The following ERC2 variants were observed in gnomAD, a reference collection of about 807,000 sequenced individuals.
ERC2 encodes the protein ERC protein 2.
A neutral mutation model predicts 114.8 loss-of-function variants in ERC2; 42 were observed. The ratio of observed to expected loss-of-function variants is 0.37; its 90% CI spans 0.29 to 0.47. The LOEUF is 0.47. ERC2 is among the 20% of genes least tolerant of loss of function. The pLI is 0.99. For missense variants in ERC2, 939 were observed against 1,150.7 expected, an observed-to-expected ratio of 0.82 and a Z score of 2.66; for synonymous variants, 454 against 425.5, an observed-to-expected ratio of 1.07 and a Z score of -0.82.
intron 14 of ERC2, among the ~76,000 whole-genome samples, chr3:55,759,049 A>G (rs11709551): frequency 0.57 from 86,140 of 151,884 alleles, 24,781 homozygotes; most frequent in South Asian, 0.67. Flanking sequence ...TTTAATTTGG[A>G]ATAAATTTTT....
At chr3:56,465,470 A>G (rs1330101638) in intron 1 of ERC2, among the ~76,000 whole-genome samples, 2 of 152,218 alleles carry the variant, frequency 1.3e-5, no homozygotes, top group African/African-American at 4.8e-5. Flanking sequence ...ATATCATTAT[A>G]CCTAATCACT....
intron 17 of ERC2, among the ~76,000 whole-genome samples, chr3:55,574,534 G>T (rs2056879185): frequency 6.6e-6 from 1 of 152,072 alleles, no homozygotes; most frequent in Non-Finnish European, 1.5e-5. Context: ...TGGGATGGGG[G>T]GAGATAAAAT....
At chr3:55,986,682 G>A (rs917813998) in intron 11 of ERC2, among the ~76,000 whole-genome samples, 6 of 151,898 alleles carry the variant, frequency 4.0e-5, no homozygotes, top group East Asian at 1.9e-4. Flanking sequence ...TCAGAAATAC[G>A]AAGTTCCGAC....
intron 7 of ERC2, among the ~76,000 whole-genome samples, chr3:56,035,531 T>C (rs970075746): frequency 6.6e-6 from 1 of 152,204 alleles, no homozygotes; most frequent in Non-Finnish European, 1.5e-5. Flanking sequence ...AGGTGGGACA[T>C]TTTGAGAGAT....
chr3:55,852,485 T>C (rs923176559), intron 14 of ERC2: 4 of 154,754 alleles, frequency 2.6e-5, no homozygotes, highest in African/African-American at 9.6e-5. Context: ...CTACACCTCA[T>C]GACCTCCATG....
intron 4 of ERC2, among the ~76,000 whole-genome samples, chr3:56,152,417 AG>A (rs34369328): frequency 0.76 from 112,812 of 149,346 alleles, 43,884 homozygotes; most frequent in Non-Finnish European, 0.85. Flanking sequence ...TTTAAAATGA[AG>A]GGGGGGGGGC....
chr3:55,618,728 G>T (rs1349022205), intron 17 of ERC2, among the ~76,000 whole-genome samples: 2 of 152,156 alleles, frequency 1.3e-5, no homozygotes, highest in Non-Finnish European at 2.9e-5. Context: ...CTTTGGCAAA[G>T]ATTTTTGAAT....
At chr3:56,313,931 T>C (rs188082622) in intron 2 of ERC2, among the ~76,000 whole-genome samples, 1 of 152,184 alleles carries the variant, frequency 6.6e-6, no homozygotes, top group Admixed American at 6.5e-5. Flanking sequence ...TTCTTTGGAG[T>C]AGGGGATTCC....
chr3:56,154,539 T>C (rs1478076348), intron 4 of ERC2, among the ~76,000 whole-genome samples: 3 of 152,170 alleles, frequency 2.0e-5, no homozygotes, highest in East Asian at 1.9e-4. Flanking sequence ...TAAGGACTCA[T>C]GAGCAGATGT....
In ERC2 at chr3:55,857,282, G is replaced by A. The variant is rs950199832; in HGVS notation, c.2564+31107C>T. ...TGTGGTCAGAAAGTGTCTTGGATAA[G>A]CTGACAGTGAAGCAAAGACCAGAAT... On this transcript the variant is annotated intron_variant, in intron 14 of 17. Coordinates refer to ENST00000288221, the MANE Select transcript of ERC2 (RefSeq NM_015576.3). Among the ~76,000 whole-genome samples, 3 of 152,144 alleles carry A rather than the reference G, an allele frequency of 2.0e-5. No homozygotes were observed. In the South Asian group the frequency reaches 6.2e-4, roughly 32 times the overall value.
intron 17 of ERC2, among the ~76,000 whole-genome samples, chr3:55,651,104 TCC>T (rs755346845): frequency 3.0e-4 from 43 of 144,402 alleles, no homozygotes; most frequent in Non-Finnish European, 5.5e-4. Flanking sequence ...CATGTGATCC[TCC>T]CACCTCAGGC....
intron 6 of ERC2, among the ~76,000 whole-genome samples, chr3:56,117,095 C>T (rs779104277): frequency 5.3e-5 from 8 of 152,170 alleles, no homozygotes; most frequent in Non-Finnish European, 7.3e-5. Context: ...AACCTGGATT[C>T]CTCTGACACA....
At chr3:56,022,541 A>T (rs1286346455) in intron 7 of ERC2, among the ~76,000 whole-genome samples, 4 of 152,160 alleles carry the variant, frequency 2.6e-5, no homozygotes, top group African/African-American at 9.7e-5. Flanking sequence ...GAGAATATAA[A>T]ATTCTGTATC....
chr3:56,185,406 G>A (rs1395984706), intron 3 of ERC2, among the ~76,000 whole-genome samples: 1 of 152,194 alleles, frequency 6.6e-6, no homozygotes, highest in Non-Finnish European at 1.5e-5. Flanking sequence ...TCTATTGAGA[G>A]CAGATAACTT....
At chr3:55,594,510 C>A (rs2058044873) in intron 17 of ERC2, among the ~76,000 whole-genome samples, 1 of 151,936 alleles carries the variant, frequency 6.6e-6, no homozygotes. Context: ...GAGATGGAGT[C>A]TTGATCTGTC....
chr3:55,675,412 T>C (rs1031442114), intron 17 of ERC2, among the ~76,000 whole-genome samples: 1 of 152,280 alleles, frequency 6.6e-6, no homozygotes, highest in East Asian at 1.9e-4. Context: ...AGAGTTAAGG[T>C]ACGTCTTGGT....
chr3:56,328,967 G>C (rs2057487678), intron 2 of ERC2, among the ~76,000 whole-genome samples: 1 of 152,344 alleles, frequency 6.6e-6, no homozygotes. Flanking sequence ...CTGGCATTCT[G>C]AAAGTAACTC....
At chr3:56,423,001 T>C (rs754374783) in intron 2 of ERC2, among the ~76,000 whole-genome samples, 6 of 152,212 alleles carry the variant, frequency 3.9e-5, no homozygotes, top group African/African-American at 7.2e-5. Context: ...ATAAAATAGG[T>C]TTATTTCCTT....
chr3:56,362,789 C>T (rs1329930695), intron 2 of ERC2, among the ~76,000 whole-genome samples: 1 of 152,200 alleles, frequency 6.6e-6, no homozygotes, highest in Non-Finnish European at 1.5e-5. Flanking sequence ...TGTGTTAGAG[C>T]AGAGAGGGAC....
Sources: gnomAD v4.1 joint callset for allele counts (sites outside exome capture counted in the v4.1 genomes callset) on GRCh38, gnomAD v4.1.1 for gene constraint, MANE v1.5 for transcripts, NCBI Gene and HGNC (gene_info 2026-07-23, HGNC 2026-07-21) for gene names.